OCA2: variants seen among roughly 807,000 people sequenced by gnomAD.
OCA2 encodes P protein.
OCA2 carries 77 observed loss-of-function variants against 100.2 expected under a neutral mutation model. The observed-to-expected ratio is 0.77, with a 90% CI of 0.64 to 0.93. The LOEUF is 0.93. OCA2 is among the 40% of genes least tolerant of loss of function. The probability of loss-of-function intolerance (pLI) is 0.00; values close to 1 mark genes in which losing one functional copy is unlikely to be tolerated. For synonymous variants in OCA2, 432 were observed against 439.2 expected (o/e 0.98, Z 0.21); for missense variants, 1,062 against 1,089.1 (o/e 0.98, Z 0.35).
intron 2 of OCA2, among the ~76,000 whole-genome samples, chr15:28,064,269 T>C (rs1399850990): frequency 6.6e-6 from 1 of 152,108 alleles, no homozygotes; most frequent in African/African-American, 2.4e-5. Context: ...CTCTTTAAGT[T>C]TACCTTATTT....
At chr15:27,753,422 G>A (rs964561299), downstream of OCA2, among the ~76,000 whole-genome samples, 2 of 152,062 alleles carry the variant, frequency 1.3e-5, no homozygotes, top group African/African-American at 4.8e-5. Flanking sequence ...TGAGCCCGGA[G>A]CTAATGGTTT....
intron 2 of OCA2, among the ~76,000 whole-genome samples, chr15:28,065,116 A>C (rs986608770): frequency 6.6e-6 from 1 of 152,124 alleles, no homozygotes; most frequent in African/African-American, 2.4e-5. Flanking sequence ...AGAAGCAAAC[A>C]CCTTTCCCAG....
chr15:27,964,736 C>T (rs1170437902), intron 15 of OCA2, among the ~76,000 whole-genome samples: 2 of 152,154 alleles, frequency 1.3e-5, no homozygotes, highest in African/African-American at 4.8e-5. Context: ...AAACTCAGAT[C>T]TCTTGAGTGG....
chr15:28,096,646 C>T (rs371785851), intron 1 of OCA2, among the ~76,000 whole-genome samples: 2 of 152,312 alleles, frequency 1.3e-5, no homozygotes, highest in Non-Finnish European at 1.5e-5. Flanking sequence ...CCGTATATCC[C>T]TTCAGGTGGA....
intron 17 of OCA2, 37 bp downstream of exon 17, chr15:27,955,121 G>A (rs375600211): frequency 2.8e-6 from 4 of 1,452,786 alleles, no homozygotes; most frequent in Admixed American, 1.7e-5. Flanking sequence ...TCTTGGAGAA[G>A]TGAATCAGAA....
At position 28,014,804 on chromosome 15, in the gene OCA2, G is replaced by T. The variant is rs747940330; in HGVS notation, c.1016C>A (p.Ala339Glu). The T allele has an allele frequency of 1.4e-5, 22 of 1,613,942 alleles. No individual in the cohort carries two copies. Among genetic ancestry groups the T allele is most frequent in the Non-Finnish European group, 1.9e-5 (22 of 1,180,016 alleles). ...TQVTIATAIL[A>E]GVYALIIFEI... ...AAATATGATCAGCGCGTAGACGCCC[G>T]CGAGGATGGCCGTCGCGATGGTCAC... Residue 339 changes from alanine (A) to glutamate (E), a missense_variant, in exon 9 of 24, where the codon GCG becomes GAG. Physicochemically the swap from Ala to Glu is moderately radical, Grantham distance 107. Coordinates refer to ENST00000354638, the MANE Select transcript of OCA2 (RefSeq NM_000275.3).
intron 19 of OCA2, chr15:27,896,372 G>A: frequency 1.3e-6 from 1 of 752,900 alleles, no homozygotes; most frequent in East Asian, 2.5e-5. Flanking sequence ...TTCAATACAG[G>A]AAGAACAGTG....
intron 19 of OCA2, among the ~76,000 whole-genome samples, chr15:27,873,291 T>C (rs1007830272): frequency 6.6e-6 from 1 of 152,188 alleles, no homozygotes; most frequent in African/African-American, 2.4e-5. Flanking sequence ...CCAACACCAG[T>C]GTGACAGCCA....
chr15:27,930,293 T>A (rs953756270), intron 18 of OCA2, among the ~76,000 whole-genome samples: 8 of 152,140 alleles, frequency 5.3e-5, no homozygotes, highest in Admixed American at 5.2e-4. Context: ...ACTCAAACCA[T>A]GGAATACTAC....
chr15:27,810,765 G>A (rs931005121), intron 23 of OCA2, among the ~76,000 whole-genome samples: 8 of 151,968 alleles, frequency 5.3e-5, no homozygotes, highest in African/African-American at 1.7e-4. Context: ...ACAAACATAC[G>A]AAAAAATGCC....
chr15:28,047,286 T>G (rs987178269), intron 2 of OCA2, among the ~76,000 whole-genome samples: 2 of 152,202 alleles, frequency 1.3e-5, no homozygotes, highest in African/African-American at 4.8e-5. Context: ...GAAGAGAGTG[T>G]GGCTCAAAGA....
chr15:27,896,409 T>TA, intron 19 of OCA2: 2 of 721,164 alleles, frequency 2.8e-6, no homozygotes, highest in Non-Finnish European at 5.1e-6. Context: ...GGAGGAGATG[T>TA]AAAAGAAAGC....
chr15:27,880,026 G>T (rs2036950752), intron 19 of OCA2, among the ~76,000 whole-genome samples: 1 of 152,172 alleles, frequency 6.6e-6, no homozygotes, highest in Non-Finnish European at 1.5e-5. Flanking sequence ...GTTAATTTTT[G>T]TATAAGGTGT....
intron 19 of OCA2, among the ~76,000 whole-genome samples, chr15:27,913,897 AAGCAAGC>A (rs1567098642): frequency 0.037 from 1,327 of 35,396 alleles, 40 homozygotes; most frequent in South Asian, 0.087. Context: ...GAAAGAAAGC[AAGCAAGC>A]AAGCAAGCAA....
At chr15:27,862,795 G>A (rs531632066) in intron 21 of OCA2, among the ~76,000 whole-genome samples, 11 of 152,226 alleles carry the variant, frequency 7.2e-5, no homozygotes, top group Middle Eastern at 3.4e-3. Flanking sequence ...TTTTAAGTTC[G>A]TATGTCAAAT....
chr15:28,072,199 C>G (rs933991440), intron 2 of OCA2, among the ~76,000 whole-genome samples: 22 of 151,756 alleles, frequency 1.4e-4, no homozygotes, highest in African/African-American at 4.1e-4. Context: ...AACCCCGTCT[C>G]TACTAAAAAT....
intron 2 of OCA2, among the ~76,000 whole-genome samples, chr15:28,062,034 G>A (rs985708531): frequency 2.0e-5 from 3 of 152,142 alleles, no homozygotes; most frequent in East Asian, 3.9e-4. Flanking sequence ...GAACACATAT[G>A]CACAAGTTTT....
chr15:27,770,407 G>A (rs1284346760), intron 23 of OCA2, among the ~76,000 whole-genome samples: 1 of 152,196 alleles, frequency 6.6e-6, no homozygotes, highest in South Asian at 2.1e-4. Flanking sequence ...CCCCGTCTCC[G>A]CCGGCAGAAG....
At chr15:27,876,710 T>C (rs1456715094) in intron 19 of OCA2, among the ~76,000 whole-genome samples, 1 of 152,024 alleles carries the variant, frequency 6.6e-6, no homozygotes, top group Non-Finnish European at 1.5e-5. Flanking sequence ...TGTAGGTTGT[T>C]GACTGTGTTG....
Sources: allele counts gnomAD v4.1 joint callset (sites outside exome capture counted in the v4.1 genomes callset), GRCh38; gene constraint gnomAD v4.1.1; transcripts MANE v1.5; gene names NCBI Gene and HGNC (gene_info 2026-07-23, HGNC 2026-07-21).